NIT2: variants seen among roughly 807,000 people sequenced by gnomAD.
NIT2 encodes the protein omega-amidase NIT2.
In NIT2, 46 loss-of-function variants were observed where a neutral mutation model predicts 42.7. The observed-to-expected ratio is 1.08, with a 90% CI of 0.85 to 1.38. NIT2 has a LOEUF of 1.38. NIT2 is among the 40% of genes most tolerant of loss of function. NIT2 has a pLI of 0.00. For synonymous variants in NIT2, 123 were observed against 121.9 expected, an observed-to-expected ratio of 1.01 and a Z score of -0.06; for missense variants, 309 against 342.5, an observed-to-expected ratio of 0.90 and a Z score of 0.77.
rs756600091 is a variant in NIT2, at chr3:100,352,334, A to G, written c.585-70A>G. On this transcript the variant is annotated intron_variant, in intron 7 of 9. Coordinates refer to ENST00000394140, the MANE Select transcript of NIT2 (RefSeq NM_020202.5). ...ATCCTATTTTTTAAAAGAAGGATCTATCTACTTGGGTTAGAAAAATGTCAG... is the reference window on the plus strand; with the variant it reads ...ATCCTATTTTTTAAAAGAAGGATCTGTCTACTTGGGTTAGAAAAATGTCAG... 3.4e-5 allele frequency: 40 copies of G among 1,186,566 alleles called. No homozygotes were observed. The East Asian group carries it at 9.0e-4, about 27-fold the overall frequency. 73.5% of individuals were successfully genotyped at this position (1,186,566 alleles called of 1,614,324 possible).
chr3:100,340,021 T>A, intron 3 of NIT2, 86 bp downstream of exon 3: 2 of 1,139,508 alleles, frequency 1.8e-6, no homozygotes, highest in Non-Finnish European at 1.2e-6. Flanking sequence ...CTGTATTCCC[T>A]ACTTGGGAAG....
In NIT2 at chr3:100,339,639, T is replaced by C. The variant is rs117220341; in HGVS notation, c.127-176T>C. Among the ~76,000 whole-genome samples, 11 of 152,282 alleles carry C rather than the reference T, an allele frequency of 7.2e-5. No homozygotes were observed. In the East Asian group the frequency reaches 1.2e-3, roughly 16 times the overall value. ...CCAACCCACTAGGCTAGCTTTGTAGTCTTACCTGTGGCTACAGGCTCTTTA... is the reference window on the plus strand; with the variant it reads ...CCAACCCACTAGGCTAGCTTTGTAGCCTTACCTGTGGCTACAGGCTCTTTA... On this transcript the variant is annotated intron_variant, in intron 2 of 9. Coordinates refer to ENST00000394140, the MANE Select transcript of NIT2 (RefSeq NM_020202.5).
At chr3:100,343,716 C>A (rs957573646) in intron 4 of NIT2, among the ~76,000 whole-genome samples, 12 of 151,956 alleles carry the variant, frequency 7.9e-5, no homozygotes, top group Non-Finnish European at 1.8e-4. Flanking sequence ...TTTAAAAGGC[C>A]CCTGATGTAA....
At chr3:100,353,729 C>T (rs941617993) in intron 8 of NIT2, among the ~76,000 whole-genome samples, 3 of 151,724 alleles carry the variant, frequency 2.0e-5, no homozygotes, top group Admixed American at 1.3e-4. Flanking sequence ...AGGGTTTGAA[C>T]CCTTGCTCTG....
At chr3:100,335,210 CT>C in intron 1 of NIT2, 1 of 197,676 alleles carries the variant, frequency 5.1e-6, no homozygotes, top group Non-Finnish European at 1.1e-5. Flanking sequence ...TCCCCACTCA[CT>C]TTCCAGCTCC....
Position 100,355,159 on chromosome 3 carries a change from C to CT in NIT2, c.740-15dup. ...GGAGTTGCAAATTATTAATAGTGCA[C>CT]TTTCCTGTTTTTTGCAGACCTGAAG... On this transcript the variant is annotated splice_polypyrimidine_tract_variant and intron_variant, in intron 9 of 9. Coordinates refer to ENST00000394140, the MANE Select transcript of NIT2 (RefSeq NM_020202.5). 1.9e-6 allele frequency: 3 copies of CT among 1,603,994 alleles called. No individual in the cohort carries two copies. The highest frequency in any genetic ancestry group is 2.6e-6 in the Non-Finnish European group (3 of 1,171,310).
intron 4 of NIT2, among the ~76,000 whole-genome samples, chr3:100,345,107 A>G (rs1463329588): frequency 6.7e-6 from 1 of 150,294 alleles, no homozygotes; most frequent in Non-Finnish European, 1.5e-5. Flanking sequence ...GGCACGCACA[A>G]CCACCCCCGG....
chr3:100,348,018 G>A lies in NIT2; in HGVS notation c.506-785G>A, dbSNP rs562301627. Among the ~76,000 whole-genome samples the A allele has an allele frequency of 1.2e-4, 18 of 152,244 alleles. 1 individual carries two copies. The highest frequency in any genetic ancestry group is 3.1e-4 in the African/African-American group (13 of 41,558). ...CAATTCTCCTGCCTCAGCCTCCCCA[G>A]TAGCTGGGATTATAGGCGCTCGCCA... On this transcript the variant is annotated intron_variant, in intron 6 of 9. Coordinates refer to ENST00000394140, the MANE Select transcript of NIT2 (RefSeq NM_020202.5).
intron 8 of NIT2, among the ~76,000 whole-genome samples, chr3:100,353,039 C>A (rs904599577): frequency 6.6e-6 from 1 of 152,224 alleles, no homozygotes; most frequent in African/African-American, 2.4e-5. Context: ...CAGTCATACG[C>A]TCATACGCAT....
chr3:100,346,998 G>A (rs891339948), intron 6 of NIT2, among the ~76,000 whole-genome samples: 1 of 152,146 alleles, frequency 6.6e-6, no homozygotes, highest in Non-Finnish European at 1.5e-5. Flanking sequence ...GCAACTCCTC[G>A]GCCCCTAATT....
In NIT2 at chr3:100,359,109, T is replaced by G. The variant is rs1186222048; in HGVS notation, c.*3841T>G. ...TAGAAAGCACTTTAGGATAAAATGG[T>G]CTTGTTAAAATCACCAATTAAAAAG... On this transcript the variant is annotated 3_prime_UTR_variant, in exon 10 of 10. Transcript: ENST00000394140. 6.6e-6 allele frequency: 1 copy of G among 152,220 alleles called. No individual in the cohort carries two copies. Among genetic ancestry groups the G allele is most frequent in the Non-Finnish European group, 1.5e-5 (1 of 68,036 alleles). 9.4% of individuals were successfully genotyped at this position (152,220 alleles called of 1,614,324 possible). A position where few individuals can be genotyped will look rare whatever the true frequency, so the allele number is the denominator to read the frequency against.
At chr3:100,346,374 G>T in intron 6 of NIT2, 119 bp downstream of exon 6, 1 of 847,672 alleles carries the variant, frequency 1.2e-6, no homozygotes. Context: ...TCCATCTTCA[G>T]CCCTTTCACC....
At position 100,357,637 on chromosome 3, in the gene NIT2, C is replaced by CTTTTTTTT. The variant is rs869283536; in HGVS notation, c.*2384_*2391dup. 4 of 118,828 alleles carry CTTTTTTTT rather than the reference C, an allele frequency of 3.4e-5. No homozygotes were observed. Among genetic ancestry groups the CTTTTTTTT allele is most frequent in the African/African-American group, 6.2e-5 (2 of 32,368 alleles). The allele number at this position is 118,828 out of a possible 1,614,324, so 7.4% of individuals were successfully genotyped here. A position where few individuals can be genotyped will look rare whatever the true frequency, so the allele number is the denominator to read the frequency against. ...GGTGGATGCTAAACTTTTTACATTT[C>CTTTTTTTT]TTTTTTTTTTTTTTTTTTTTTTGAG... On this transcript the variant is annotated 3_prime_UTR_variant, in exon 10 of 10. Transcript: ENST00000394140.
intron 1 of NIT2, among the ~76,000 whole-genome samples, chr3:100,335,575 A>T (rs1437046408): frequency 2.0e-5 from 3 of 152,314 alleles, no homozygotes; most frequent in East Asian, 3.9e-4. Flanking sequence ...CTGCTGCAGC[A>T]TGTCTGTAGA....
chr3:100,347,820 A>T (rs1353191520), intron 6 of NIT2, among the ~76,000 whole-genome samples: 1 of 152,062 alleles, frequency 6.6e-6, no homozygotes, highest in Non-Finnish European at 1.5e-5. Context: ...AAAAGTACAC[A>T]CTCAAAAAAG....
chr3:100,342,480 TTTTAA>T (rs1315750962), intron 4 of NIT2, among the ~76,000 whole-genome samples: 1 of 152,018 alleles, frequency 6.6e-6, no homozygotes, highest in African/African-American at 2.4e-5. Flanking sequence ...TAGAGTTCTG[TTTTAA>T]TTTATCTATT....
intron 7 of NIT2, among the ~76,000 whole-genome samples, chr3:100,351,589 T>C (rs1706274753): frequency 6.6e-6 from 1 of 152,194 alleles, no homozygotes; most frequent in Non-Finnish European, 1.5e-5. Context: ...TTCCTTACAC[T>C]TTATACAAAA....
chr3:100,340,985 G>T, intron 3 of NIT2, 88 bp from the exon 4 acceptor site: 1 of 832,080 alleles, frequency 1.2e-6, no homozygotes, highest in Non-Finnish European at 2.0e-6. Flanking sequence ...CTTTATTTTT[G>T]GACCCAAGTT....
intron 3 of NIT2, among the ~76,000 whole-genome samples, 155 bp from the exon 4 acceptor site, chr3:100,340,918 T>C (rs933190279): frequency 4.3e-4 from 66 of 152,282 alleles, no homozygotes; most frequent in African/African-American, 1.5e-3. Context: ...TATTATAGAA[T>C]GAGGTGTTGC....
Sources: allele counts gnomAD v4.1 joint callset (sites outside exome capture counted in the v4.1 genomes callset), GRCh38; gene constraint gnomAD v4.1.1; transcripts MANE v1.5; gene names NCBI Gene and HGNC (gene_info 2026-07-23, HGNC 2026-07-21).